The following KALRN variants were observed in gnomAD, a reference collection of about 807,000 sequenced individuals.
The protein encoded by KALRN is kalirin RhoGEF kinase, also known as kalirin.
KALRN carries 70 observed loss-of-function variants against 353.7 expected under a neutral mutation model. That is an observed-to-expected ratio of 0.20 (90% CI 0.16 to 0.24). The LOEUF is 0.24. Ranked by LOEUF, KALRN falls within the 10% of genes least tolerant of loss-of-function variation. The pLI, the probability that KALRN is intolerant of heterozygous loss-of-function variation, is 1.00. For missense variants in KALRN, 2,791 were observed against 3,756.7 expected (o/e 0.74, Z 6.72); for synonymous variants, 1,391 against 1,434.8 (o/e 0.97, Z 0.69).
intron 1 of KALRN, among the ~76,000 whole-genome samples, chr3:124,203,927 G>T (rs1194161621): frequency 6.6e-6 from 1 of 152,212 alleles, no homozygotes; most frequent in African/African-American, 2.4e-5. Context: ...AATATTTGCA[G>T]GATGTGAAGC....
At chr3:124,444,539 T>G (rs1225371113) in intron 19 of KALRN, among the ~76,000 whole-genome samples, 1 of 152,018 alleles carries the variant, frequency 6.6e-6, no homozygotes, top group East Asian at 1.9e-4. Context: ...GGCTCGCGCC[T>G]GTAATCCTAG....
intron 1 of KALRN, among the ~76,000 whole-genome samples, chr3:124,182,540 C>T (rs2150219042): frequency 6.6e-6 from 1 of 152,328 alleles, no homozygotes; most frequent in Non-Finnish European, 1.5e-5. Context: ...AGATGGAAGC[C>T]ACAGTCGCAC....
chr3:124,525,046 C>T (rs1484300471), intron 33 of KALRN, among the ~76,000 whole-genome samples: 1 of 152,184 alleles, frequency 6.6e-6, no homozygotes, highest in Non-Finnish European at 1.5e-5. Flanking sequence ...TCAGATCTGT[C>T]CTTTGAAACC....
chr3:124,317,652 A>G (rs1467832000), intron 6 of KALRN, among the ~76,000 whole-genome samples: 1 of 128,496 alleles, frequency 7.8e-6, no homozygotes, highest in Non-Finnish European at 1.6e-5. Flanking sequence ...GAAATACTGT[A>G]TTTCTAACAA....
At chr3:124,462,698 A>G (rs1031846510) in intron 25 of KALRN, 65 bp downstream of exon 25, 20 of 916,312 alleles carry the variant, frequency 2.2e-5, no homozygotes, top group Non-Finnish European at 3.4e-5. Flanking sequence ...CAGGGTTCCC[A>G]AGAAGTGGAT....
Position 124,385,022 on chromosome 3 carries a change from A to G in KALRN, c.1948A>G (p.Thr650Ala), listed in dbSNP as rs1444586301. Reference protein sequence around the residue: ...LLLDMSVSFHTHTKELWTWME... With the variant: ...LLLDMSVSFHAHTKELWTWME... The stretch of plus-strand genomic sequence containing the variant: ...CCTGGACATGTCTGTTTCCTTCCAC[A>G]CACACACCAAAGAGGTAAGGGGAGC... The change falls in exon 11 of 60, where the codon ACA becomes GCA. Residue 650 changes from threonine to alanine, a missense_variant. Physicochemically the swap from Thr to Ala is moderately conservative, Grantham distance 58. Coordinates refer to ENST00000682506, the MANE Select transcript of KALRN (RefSeq NM_001388419.1). The G allele has an allele frequency of 6.2e-7, 1 of 1,604,724 alleles. No homozygotes were observed. Among genetic ancestry groups the G allele is most frequent in the South Asian group, 1.1e-5 (1 of 89,176 alleles).
intron 34 of KALRN, among the ~76,000 whole-genome samples, chr3:124,610,636 G>T (rs943828421): frequency 6.6e-6 from 1 of 151,380 alleles, no homozygotes; most frequent in Non-Finnish European, 1.5e-5. Flanking sequence ...ACTAACCCTG[G>T]GGGGGGCGGC....
intron 1 of KALRN, among the ~76,000 whole-genome samples, chr3:124,092,995 A>G (rs1414450885): frequency 6.6e-6 from 1 of 152,168 alleles, no homozygotes; most frequent in Non-Finnish European, 1.5e-5. Flanking sequence ...TAAGGTAATA[A>G]GAAAATAATG....
chr3:124,190,149 C>T (rs1305215337), intron 1 of KALRN, among the ~76,000 whole-genome samples: 3 of 151,984 alleles, frequency 2.0e-5, no homozygotes, highest in Non-Finnish European at 4.4e-5. Context: ...TGAAAGACAG[C>T]AAAGGACTAG....
At chr3:124,245,273 C>T (rs2080986101) in intron 3 of KALRN, among the ~76,000 whole-genome samples, 1 of 152,160 alleles carries the variant, frequency 6.6e-6, no homozygotes, top group Non-Finnish European at 1.5e-5. Flanking sequence ...TTTCACTGAA[C>T]ATAATGTCCT....
chr3:124,047,302 A>C (rs1230576515), intron 1 of KALRN, among the ~76,000 whole-genome samples: 1 of 152,218 alleles, frequency 6.6e-6, no homozygotes, highest in African/African-American at 2.4e-5. Context: ...TTTGTCCCTG[A>C]AAAGTTTATA....
chr3:124,294,854 G>A (rs1023825529), intron 5 of KALRN, among the ~76,000 whole-genome samples: 4 of 152,116 alleles, frequency 2.6e-5, no homozygotes, highest in African/African-American at 9.7e-5. Context: ...TTTCCAAATT[G>A]TGCGTATTAT....
At chr3:124,155,355 A>G (rs1194481857) in intron 1 of KALRN, among the ~76,000 whole-genome samples, 1 of 152,200 alleles carries the variant, frequency 6.6e-6, no homozygotes, top group African/African-American at 2.4e-5. Flanking sequence ...TCCTCACAGC[A>G]TCACAATGTC....
chr3:124,368,987 C>T lies in KALRN; in HGVS notation c.1771-15858C>T, dbSNP rs564839438. Among the ~76,000 whole-genome samples the T allele has an allele frequency of 4.6e-5, 7 of 151,996 alleles. No individual in the cohort carries two copies. In the East Asian group the frequency reaches 7.8e-4, roughly 17 times the overall value. ...ATCAGGCAGGGAGGTTGCAGTGAGC[C>T]GAGATGGCAGCAGTACAGTCCAGCT... On this transcript the variant is annotated intron_variant, in intron 10 of 59. Transcript: ENST00000682506.
At chr3:124,457,485 C>T (rs553626389) in intron 23 of KALRN, among the ~76,000 whole-genome samples, 24 of 152,356 alleles carry the variant, frequency 1.6e-4, no homozygotes, top group Admixed American at 1.2e-3. Context: ...CCCAATTCAC[C>T]TGCACAGTGA....
chr3:124,639,224 C>G (rs2081727586), intron 37 of KALRN, among the ~76,000 whole-genome samples: 1 of 122,578 alleles, frequency 8.2e-6, no homozygotes, highest in Non-Finnish European at 1.6e-5. Flanking sequence ...AGTGGTCATT[C>G]AGGGTCCTAC....
chr3:124,390,162 G>A (rs946073214), intron 11 of KALRN, among the ~76,000 whole-genome samples: 7 of 152,184 alleles, frequency 4.6e-5, no homozygotes, highest in African/African-American at 1.7e-4. Flanking sequence ...CAGGAACATG[G>A]CATTTGTAGC....
intron 1 of KALRN, among the ~76,000 whole-genome samples, chr3:124,048,551 G>C (rs565263871): frequency 6.6e-6 from 1 of 151,254 alleles, no homozygotes; most frequent in African/African-American, 2.4e-5. Context: ...GTGCGATCTC[G>C]GCTCACTGCA....
chr3:124,294,400 C>G (rs2076669561), intron 5 of KALRN, among the ~76,000 whole-genome samples: 1 of 151,802 alleles, frequency 6.6e-6, no homozygotes, highest in African/African-American at 2.4e-5. Context: ...GGAAGTGGGC[C>G]TGATGATAGC....
Sources: gnomAD v4.1 joint callset for allele counts (sites outside exome capture counted in the v4.1 genomes callset) on GRCh38, gnomAD v4.1.1 for gene constraint, MANE v1.5 for transcripts, NCBI Gene and HGNC (gene_info 2026-07-23, HGNC 2026-07-21) for gene names.